The following TNFAIP3 variants were observed in gnomAD, a reference collection of about 807,000 sequenced individuals.
TNFAIP3 encodes the protein TNF alpha induced protein 3, also known as tumor necrosis factor alpha-induced protein 3.
A neutral mutation model predicts 72.4 loss-of-function variants in TNFAIP3; 9 were observed. The observed-to-expected ratio is 0.12, with a 90% CI of 0.07 to 0.22. TNFAIP3 has a LOEUF of 0.22. Ranked by LOEUF, TNFAIP3 falls within the 10% of genes least tolerant of loss-of-function variation. The pLI is 1.00. For synonymous variants in TNFAIP3, 339 were observed against 372.6 expected, an observed-to-expected ratio of 0.91 and a Z score of 1.04; for missense variants, 833 against 1,018.7, an observed-to-expected ratio of 0.82 and a Z score of 2.48.
Position 137,877,112 on chromosome 6 carries a change from G to A in TNFAIP3, c.842G>A (p.Gly281Glu), listed in dbSNP as rs201456101. The change falls in exon 6 of 9, where the codon GGA becomes GAA. Residue 281 changes from glycine to glutamate, a missense_variant. Transcript: ENST00000612899. Reference sequence around the variant, plus strand: ...GTTCCACTTGTTAACAGAGACCGGGGAAGATTTGAAGACTTAAAAGTTCAC... The same window carrying A: ...GTTCCACTTGTTAACAGAGACCGGGAAAGATTTGAAGACTTAAAAGTTCAC... ...RAVPLVNRDR[G>E]RFEDLKVHFL... 1.9e-6 allele frequency: 3 copies of A among 1,612,312 alleles called. No individual in the cohort carries two copies. The highest frequency in any genetic ancestry group is 2.7e-5 in the African/African-American group (2 of 74,944).
chr6:137,875,050 C>T lies in TNFAIP3; in HGVS notation c.486+15C>T, dbSNP rs192376488. Reference sequence around the variant, plus strand: ...ATGATACTCGGGTAGGTTTTTCCCCCTAATTATCTACTAACAGAGCTCCAT... The same window carrying T: ...ATGATACTCGGGTAGGTTTTTCCCCTTAATTATCTACTAACAGAGCTCCAT... On this transcript the variant is annotated intron_variant, in intron 3 of 8. Coordinates refer to ENST00000612899, the MANE Select transcript of TNFAIP3 (RefSeq NM_001270508.2). The T allele has an allele frequency of 1.8e-4, 290 of 1,613,622 alleles. No homozygotes were observed. In the East Asian group the frequency reaches 3.3e-3, roughly 19 times the overall value.
intron 3 of TNFAIP3, 63 bp downstream of exon 3, chr6:137,875,098 G>A: frequency 6.3e-7 from 1 of 1,578,150 alleles, no homozygotes; most frequent in Non-Finnish European, 8.7e-7. Flanking sequence ...GTACCCCTGG[G>A]CGAGTCCCTG....
At position 137,878,487 on chromosome 6, in the gene TNFAIP3, C is replaced by T; in HGVS notation, c.1042C>T (p.Leu348Phe). ...EINLVDDYFE[L>F]VQHEYKKWQE... ...CAATCTGGTAGATGATTACTTTGAACTTGTTCAGCATGAGTACAAGAAATG... is the reference window on the plus strand; with the variant it reads ...CAATCTGGTAGATGATTACTTTGAATTTGTTCAGCATGAGTACAAGAAATG... The change falls in exon 7 of 9, where the codon CTT becomes TTT. Residue 348 changes from leucine to phenylalanine, a missense_variant. This residue lies in a region of TNFAIP3 where 587 missense variants were observed against 657.8 expected (regional missense o/e 0.89). Coordinates refer to ENST00000612899, the MANE Select transcript of TNFAIP3 (RefSeq NM_001270508.2). The T allele has an allele frequency of 6.2e-7, 1 of 1,614,186 alleles. No homozygotes were observed. Among genetic ancestry groups the T allele is most frequent in the Non-Finnish European group, 8.5e-7 (1 of 1,180,006 alleles).
At chr6:137,878,344 C>A in intron 6 of TNFAIP3, 88 bp from the exon 7 acceptor site, 1 of 1,230,702 alleles carries the variant, frequency 8.1e-7, no homozygotes, top group Non-Finnish European at 1.1e-6. Flanking sequence ...AATCCACATT[C>A]TAAAACTTTG....
chr6:137,882,927 T>C lies in TNFAIP3; in HGVS notation c.*1608T>C, dbSNP rs1776509827. 1 of 226,314 alleles carries C rather than the reference T, an allele frequency of 4.4e-6. No homozygotes were observed. Among genetic ancestry groups the C allele is most frequent in the South Asian group, 1.8e-4 (1 of 5,450 alleles). The allele number at this position is 226,314 out of a possible 1,614,324, so 14.0% of individuals were successfully genotyped here. On this transcript the variant is annotated 3_prime_UTR_variant, in exon 9 of 9. Coordinates refer to ENST00000612899, the MANE Select transcript of TNFAIP3 (RefSeq NM_001270508.2). ...GAGATAAAGGCTGCCATTTTGGGGG[T>C]CTGTACTTATGGCCTGAAAATATTT...
In TNFAIP3 at chr6:137,881,228, G is replaced by A. The variant is rs368859219; in HGVS notation, c.2282G>A (p.Arg761His). Residue 761 changes from arginine to histidine, a missense_variant, in exon 9 of 9, where the codon CGT (arginine) becomes CAT (histidine). By Grantham distance (29) the Arg-to-His change is conservative. Transcript: ENST00000612899. The surrounding 1 kb of genome is among the most constrained non-coding windows in gnomAD (Gnocchi z 5.0). Reference protein sequence around the residue: ...EPAPEDPPKQRCRAPACDHFG... With the variant: ...EPAPEDPPKQHCRAPACDHFG... Reference sequence around the variant, plus strand: ...GCCCCCGAAGACCCCCCCAAGCAGCGTTGCCGGGCCCCCGCCTGTGATCAT... The same window carrying A: ...GCCCCCGAAGACCCCCCCAAGCAGCATTGCCGGGCCCCCGCCTGTGATCAT... The A allele has an allele frequency of 1.8e-4, 297 of 1,607,914 alleles. No individual in the cohort carries two copies. The highest frequency in any genetic ancestry group is 2.4e-4 in the Non-Finnish European group (288 of 1,177,400).
Position 137,878,746 on chromosome 6 carries a change from C to T in TNFAIP3, c.1301C>T (p.Ala434Val), listed in dbSNP as rs144728856. The change falls in exon 7 of 9, where the codon GCG becomes GTG. Residue 434 changes from alanine to valine, a missense_variant. By Grantham distance (64) the Ala-to-Val change is moderately conservative. Around this residue, in one of 2 missense-constraint regions of TNFAIP3, gnomAD observed 587 missense variants for 657.8 expected, o/e 0.89. Transcript: ENST00000612899. ...GGCCCTGAGGGGCTCCCTGGCATGG[C>T]GCTCGGGGCCTCTCGGGGAGAAGCC... ...KPGPEGLPGM[A>V]LGASRGEAYE... 5.6e-5 allele frequency: 90 copies of T among 1,613,992 alleles called. No homozygotes were observed. The highest frequency in any genetic ancestry group is 6.7e-5 in the African/African-American group (5 of 74,940).
intron 4 of TNFAIP3, 58 bp from the exon 5 acceptor site, chr6:137,875,938 A>G (rs950049665): frequency 8.1e-6 from 13 of 1,598,878 alleles, no homozygotes; most frequent in African/African-American, 1.3e-5. Flanking sequence ...ACAGAGTTCA[A>G]TGGAATTTGA....
chr6:137,869,397 G>A (rs950446081), intron 1 of TNFAIP3, among the ~76,000 whole-genome samples: 2 of 137,976 alleles, frequency 1.4e-5, no homozygotes, highest in Admixed American at 1.5e-4. Flanking sequence ...ACGGACGGAC[G>A]GATAGATGAT....
intron 3 of TNFAIP3, 23 bp downstream of exon 3, chr6:137,875,058 C>T (rs745652414): frequency 6.2e-7 from 1 of 1,613,280 alleles, no homozygotes; most frequent in Non-Finnish European, 8.5e-7. Context: ...CCCTAATTAT[C>T]TACTAACAGA....
At chr6:137,879,846 CT>C (rs1368343155) in intron 7 of TNFAIP3, among the ~76,000 whole-genome samples, 1 of 152,174 alleles carries the variant, frequency 6.6e-6, no homozygotes, top group Non-Finnish European at 1.5e-5. Flanking sequence ...GCAATCAGTG[CT>C]TCAAGTTCAA....
At position 137,871,553 on chromosome 6, in the gene TNFAIP3, CTGGG is replaced by C. The variant is rs776320646; in HGVS notation, c.295+34_295+37del. On this transcript the variant is annotated intron_variant, in intron 2 of 8. Transcript: ENST00000612899. The surrounding 1 kb of genome is among the most constrained non-coding windows in gnomAD (Gnocchi z 4.2). ...ACTTGTTCTGTTGTGTTTCTTTTGC[CTGGG>C]TGATAGCTCCCGCCTGCTGGATCCC... 3.1e-6 allele frequency: 5 copies of C among 1,603,530 alleles called. No homozygotes were observed. In the African/African-American group the frequency reaches 4.0e-5, roughly 13 times the overall value.
At chr6:137,880,011 C>A in intron 7 of TNFAIP3, 60 bp from the exon 8 acceptor site, 2 of 1,478,496 alleles carry the variant, frequency 1.4e-6, no homozygotes. Context: ...CTACTGTCAG[C>A]ATCTCTGTAT....
intron 3 of TNFAIP3, 51 bp downstream of exon 3, chr6:137,875,086 G>C: frequency 6.2e-7 from 1 of 1,602,848 alleles, no homozygotes; most frequent in Non-Finnish European, 8.5e-7. Context: ...GGTGGGCATA[G>C]GGTACCCCTG....
rs767841490 is a variant in TNFAIP3, at chr6:137,881,151, G to A, written c.2205G>A (p.Glu735=). 1.2e-6 allele frequency: 2 copies of A among 1,613,876 alleles called. No homozygotes were observed. Among genetic ancestry groups the A allele is most frequent in the African/African-American group, 1.3e-5 (1 of 74,906 alleles). The change falls in exon 9 of 9, where the codon GAG becomes GAA. Residue 735 remains glutamate (E), a synonymous_variant. Coordinates refer to ENST00000612899, the MANE Select transcript of TNFAIP3 (RefSeq NM_001270508.2). The surrounding 1 kb of genome is among the most constrained non-coding windows in gnomAD (Gnocchi z 5.0). ...GCCGCAGCGAGGAGCTCTGCATGGA[G>A]TGTCAGCATCCCAACCAGAGGATGG... ...LACRSEELCM[E]CQHPNQRMGP...
Position 137,877,210 on chromosome 6 carries a change from G to A in TNFAIP3, c.940G>A (p.Val314Ile), listed in dbSNP as rs776397709. ...GTACTTAATGGTGATAGAAATCCCC[G>A]TCCAAGGCTGGGACCATGGCACAAC... is the stretch of plus-strand genomic sequence containing the variant. ...KEYLMVIEIP[V>I]QGWDHGTTHL... The change falls in exon 6 of 9, where the codon GTC (valine) becomes ATC (isoleucine). Residue 314 changes from valine to isoleucine, a missense_variant. Around this residue, in one of 2 missense-constraint regions of TNFAIP3, gnomAD observed 587 missense variants for 657.8 expected, o/e 0.89. Transcript: ENST00000612899. 2.5e-6 allele frequency: 4 copies of A among 1,613,720 alleles called. No individual in the cohort carries two copies. The highest frequency in any genetic ancestry group is 3.3e-4 in the Middle Eastern group (2 of 6,060).
intron 1 of TNFAIP3, among the ~76,000 whole-genome samples, chr6:137,869,430 T>C (rs371350912): frequency 1.1e-4 from 17 of 152,146 alleles, no homozygotes; most frequent in African/African-American, 3.4e-4. Flanking sequence ...ACTTTTGCTG[T>C]GCCACAAAGG....
rs1199757092 is a variant in TNFAIP3 at position 137,877,184 on chromosome 6, A to G, written c.914A>G (p.Glu305Gly). Reference protein sequence around the residue: ...ENEMKEKLLKEYLMVIEIPVQ... With the variant: ...ENEMKEKLLKGYLMVIEIPVQ... The stretch of plus-strand genomic sequence containing the variant: ...GAGATGAAGGAGAAGCTCTTAAAAG[A>G]GTACTTAATGGTGATAGAAATCCCC... The change falls in exon 6 of 9, where the codon GAG (glutamate) becomes GGG (glycine). Residue 305 changes from glutamate (E) to glycine (G), a missense_variant. Glu to Gly is a moderately conservative substitution (Grantham distance 98, BLOSUM62 -2). Around this residue, in one of 2 missense-constraint regions of TNFAIP3, gnomAD observed 587 missense variants for 657.8 expected, o/e 0.89. Transcript: ENST00000612899. 5.6e-6 allele frequency: 9 copies of G among 1,613,936 alleles called. No homozygotes were observed. The highest frequency in any genetic ancestry group is 2.7e-5 in the African/African-American group (2 of 74,932).
rs991653477 is a variant in TNFAIP3 at position 137,878,637 on chromosome 6, G to T, written c.1192G>T (p.Val398Leu). 4 of 1,614,230 alleles carry T rather than the reference G, an allele frequency of 2.5e-6. No individual in the cohort carries two copies. ...ETPNCPFFMS[V>L]NTQPLCHECS... ...GCCCAACTGCCCCTTCTTCATGTCTGTGAACACCCAGCCTTTATGCCATGA... is the reference window on the plus strand; with the variant it reads ...GCCCAACTGCCCCTTCTTCATGTCTTTGAACACCCAGCCTTTATGCCATGA... Residue 398 changes from valine (V) to leucine (L), a missense_variant, in exon 7 of 9, where the codon GTG becomes TTG. By Grantham distance (32) the Val-to-Leu change is conservative. Around this residue, in one of 2 missense-constraint regions of TNFAIP3, gnomAD observed 587 missense variants for 657.8 expected, o/e 0.89. Coordinates refer to ENST00000612899, the MANE Select transcript of TNFAIP3 (RefSeq NM_001270508.2).
Sources: allele counts gnomAD v4.1 joint callset (sites outside exome capture counted in the v4.1 genomes callset), GRCh38; gene constraint gnomAD v4.1.1; regional missense constraint gnomAD v4.1.1; non-coding constraint Gnocchi (gnomAD v3.1); transcripts MANE v1.5; gene names NCBI Gene and HGNC (gene_info 2026-07-23, HGNC 2026-07-21).